KIAA0825: variants seen among roughly 807,000 people sequenced by gnomAD.
The protein encoded by KIAA0825 is uncharacterized protein KIAA0825.
In KIAA0825, 119 loss-of-function variants were observed where a neutral mutation model predicts 147.6. That is an observed-to-expected ratio of 0.81 (90% CI 0.69 to 0.94). KIAA0825 has a LOEUF of 0.94. Ranked by LOEUF, KIAA0825 falls within the 40% of genes least tolerant of loss-of-function variation. The pLI is 0.00. For synonymous variants in KIAA0825, 470 were observed against 518.1 expected (o/e 0.91, Z 1.26); for missense variants, 1,381 against 1,472.7 (o/e 0.94, Z 1.02).
intron 2 of KIAA0825, chr5:94,569,603 C>T (rs1584922715): frequency 5.1e-6 from 2 of 391,078 alleles, no homozygotes; most frequent in East Asian, 7.5e-5. Flanking sequence ...TATTGATCTC[C>T]CCACTCCATC....
chr5:94,419,623 T>A (rs1365431103), intron 14 of KIAA0825, among the ~76,000 whole-genome samples: 1 of 152,226 alleles, frequency 6.6e-6, no homozygotes, highest in Non-Finnish European at 1.5e-5. Context: ...ATTTAATCAA[T>A]AAGTTGATTG....
intron 20 of KIAA0825, among the ~76,000 whole-genome samples, chr5:94,206,321 T>C (rs1256023198): frequency 6.6e-6 from 1 of 152,212 alleles, no homozygotes; most frequent in Non-Finnish European, 1.5e-5. Flanking sequence ...TAGATTGTTT[T>C]CTAGAGGCTG....
At chr5:94,391,994 T>C (rs1434083057) in intron 17 of KIAA0825, among the ~76,000 whole-genome samples, 2 of 152,250 alleles carry the variant, frequency 1.3e-5, no homozygotes, top group African/African-American at 4.8e-5. Context: ...ATTGCTATAA[T>C]CATGAGATGA....
chr5:94,236,048 A>G (rs1190540405), intron 20 of KIAA0825, among the ~76,000 whole-genome samples: 2 of 152,200 alleles, frequency 1.3e-5, no homozygotes, highest in African/African-American at 4.8e-5. Context: ...CACCACATCC[A>G]TTCTGTAGCC....
rs1182898130 is a variant in KIAA0825, at chr5:94,384,349, A to G, written c.3710+19T>C. On this transcript the variant is annotated intron_variant, in intron 20 of 20. Coordinates refer to ENST00000682413, the MANE Select transcript of KIAA0825 (RefSeq NM_001145678.3). ...ACCTTGTCCCTCAACCAGACCCCCA[A>G]GGTCCCCAATTTTATTACCTGTTTT... 1.3e-6 allele frequency: 2 copies of G among 1,545,492 alleles called. No homozygotes were observed. The highest frequency in any genetic ancestry group is 1.8e-6 in the Non-Finnish European group (2 of 1,141,304).
intron 14 of KIAA0825, among the ~76,000 whole-genome samples, chr5:94,433,448 G>A (rs1037637427): frequency 2.0e-5 from 3 of 152,190 alleles, no homozygotes; most frequent in Admixed American, 6.5e-5. Flanking sequence ...AAGTACAAAA[G>A]GTACTATGAA....
intron 12 of KIAA0825, among the ~76,000 whole-genome samples, chr5:94,457,533 C>A (rs968466173): frequency 7.9e-5 from 12 of 152,184 alleles, no homozygotes; most frequent in Admixed American, 7.2e-4. Context: ...ACTAGCTATG[C>A]CCCTTCCTTG....
chr5:94,542,024 T>G (rs537138865), intron 2 of KIAA0825, among the ~76,000 whole-genome samples: 1 of 152,214 alleles, frequency 6.6e-6, no homozygotes, highest in Non-Finnish European at 1.5e-5. Context: ...GTCAATTATG[T>G]TTTTAACTGT....
intron 20 of KIAA0825, among the ~76,000 whole-genome samples, chr5:94,267,684 G>T (rs1465094751): frequency 6.6e-6 from 1 of 152,092 alleles, no homozygotes; most frequent in Non-Finnish European, 1.5e-5. Flanking sequence ...GCCAAAGTAT[G>T]CCAGGTTCTT....
At chr5:94,528,419 G>A (rs891174974) in intron 3 of KIAA0825, among the ~76,000 whole-genome samples, 2 of 152,144 alleles carry the variant, frequency 1.3e-5, no homozygotes, top group African/African-American at 4.8e-5. Context: ...CTCTTCAATG[G>A]TCCAGATGCT....
intron 14 of KIAA0825, among the ~76,000 whole-genome samples, chr5:94,433,766 T>G (rs759202843): frequency 6.6e-6 from 1 of 152,226 alleles, no homozygotes; most frequent in Non-Finnish European, 1.5e-5. Flanking sequence ...TTAAATAGTA[T>G]GCATTTACTA....
intron 20 of KIAA0825, among the ~76,000 whole-genome samples, chr5:94,338,835 A>G (rs1052206641): frequency 6.6e-6 from 1 of 152,192 alleles, no homozygotes; most frequent in African/African-American, 2.4e-5. Flanking sequence ...GTGTATAAAC[A>G]CATTTAAAAA....
chr5:94,396,531 A>C, intron 16 of KIAA0825, 22 bp from the exon 17 acceptor site: 4 of 1,461,834 alleles, frequency 2.7e-6, no homozygotes, highest in Non-Finnish European at 3.6e-6. Context: ...AAGAAAAGGT[A>C]TGATTAATAT....
rs1749915307 is a variant in KIAA0825 at position 94,391,690 on chromosome 5, A to C, written c.3301T>G (p.Phe1101Val). ...GCCGTGCTTTTCTCTATTGTCATAA[A>C]TGCACTAAATACAAAGAAAGCATAT... ...KARKLSTECA[F>V]MTIEKSTALQ... The change falls in exon 18 of 21, where the codon TTT becomes GTT. Residue 1101 changes from phenylalanine (F) to valine (V), a missense_variant. Physicochemically the swap from Phe to Val is conservative, Grantham distance 50 (BLOSUM62 -1). Transcript: ENST00000682413. 1 of 1,534,558 alleles carries C rather than the reference A, an allele frequency of 6.5e-7. No individual in the cohort carries two copies. Among genetic ancestry groups the C allele is most frequent in the African/African-American group, 1.4e-5 (1 of 72,336 alleles).
chr5:94,282,188 T>C (rs1225373731), intron 20 of KIAA0825, among the ~76,000 whole-genome samples: 1 of 152,168 alleles, frequency 6.6e-6, no homozygotes. Context: ...TTAAAATGAT[T>C]TAAAATATCA....
At chr5:94,497,954 C>A (rs1233005411) in intron 5 of KIAA0825, among the ~76,000 whole-genome samples, 1 of 152,156 alleles carries the variant, frequency 6.6e-6, no homozygotes, top group Non-Finnish European at 1.5e-5. Flanking sequence ...TATGGCTTCA[C>A]CTCAGCATAA....
At chr5:94,316,457 G>A (rs1469513143) in intron 20 of KIAA0825, among the ~76,000 whole-genome samples, 1 of 150,992 alleles carries the variant, frequency 6.6e-6, no homozygotes, top group Non-Finnish European at 1.5e-5. Context: ...ACTGGTAAGT[G>A]AACATGTCTC....
chr5:94,208,839 T>C (rs984100092), intron 20 of KIAA0825, among the ~76,000 whole-genome samples: 3 of 152,200 alleles, frequency 2.0e-5, no homozygotes, highest in African/African-American at 7.2e-5. Flanking sequence ...AAGCAAGTGT[T>C]TGAACTTGAA....
Position 94,470,038 on chromosome 5 carries a change from A to C in KIAA0825, c.1795T>G (p.Cys599Gly). 6.4e-7 allele frequency: 1 copy of C among 1,551,714 alleles called. No individual in the cohort carries two copies. Among genetic ancestry groups the C allele is most frequent in the Non-Finnish European group, 8.7e-7 (1 of 1,146,926 alleles). ...ATGCTTGTAGCACAAACTCTGACGC[A>C]GTAGTTCGTAACCTGAAACTGTAGA... The part of the protein sequence containing the change: ...NTLQFQVTNY[C>G]VRVCATSILQ... Residue 599 changes from cysteine (C) to glycine (G), a missense_variant, in exon 10 of 21, where the codon TGC (cysteine) becomes GGC (glycine). Physicochemically the swap from Cys to Gly is radical, Grantham distance 159. Transcript: ENST00000682413.
Sources: gnomAD v4.1 joint callset for allele counts (sites outside exome capture counted in the v4.1 genomes callset) on GRCh38, gnomAD v4.1.1 for gene constraint, MANE v1.5 for transcripts, NCBI Gene and HGNC (gene_info 2026-07-23, HGNC 2026-07-21) for gene names.